The following ASCC2 variants were observed in gnomAD, a reference collection of about 807,000 sequenced individuals.
ASCC2 encodes activating signal cointegrator 1 complex subunit 2.
In ASCC2, 42 loss-of-function variants were observed where a neutral mutation model predicts 93.5. That is an observed-to-expected ratio of 0.45 (90% CI 0.35 to 0.58). ASCC2 has a LOEUF of 0.58. Ranked by LOEUF, ASCC2 falls within the 20% of genes least tolerant of loss-of-function variation. ASCC2 has a pLI of 0.00. For missense variants in ASCC2, 859 were observed against 977.6 expected (o/e 0.88, Z 1.62); for synonymous variants, 364 against 384.2 (o/e 0.95, Z 0.62).
At chr22:29,835,994 GTC>G (rs2063730170) in intron 1 of ASCC2, among the ~76,000 whole-genome samples, 1 of 152,138 alleles carries the variant, frequency 6.6e-6, no homozygotes, top group African/African-American at 2.4e-5. Context: ...AAGGCTCAGA[GTC>G]TTAAAATGTG....
At chr22:29,808,077 CACA>C (rs2059890469) in intron 9 of ASCC2, 31 bp downstream of exon 9, 14 of 1,611,662 alleles carry the variant, frequency 8.7e-6, no homozygotes, top group Non-Finnish European at 1.2e-5. Flanking sequence ...CTCTCTGTCC[CACA>C]ACAACATTCT....
chr22:29,835,404 T>TA (rs778607436), intron 1 of ASCC2, among the ~76,000 whole-genome samples: 2,423 of 141,024 alleles, frequency 0.017, 54 homozygotes, highest in African/African-American at 0.053. Flanking sequence ...TCCCAAAATT[T>TA]AAAAAAAAAA....
Position 29,799,473 on chromosome 22 carries a change from A to G in ASCC2, c.1688+1518T>C, listed in dbSNP as rs573016352. Among the ~76,000 whole-genome samples, 7 of 152,188 alleles carry G rather than the reference A, an allele frequency of 4.6e-5. No homozygotes were observed. The South Asian group carries it at 1.4e-3, about 32-fold the overall frequency. ...CAGCCAGCCAAGCTTTTAGCAGTGGACAGCCCTAGGGAGGGGTAACAGCAC... is the reference window on the plus strand; with the variant it reads ...CAGCCAGCCAAGCTTTTAGCAGTGGGCAGCCCTAGGGAGGGGTAACAGCAC... On this transcript the variant is annotated intron_variant, in intron 15 of 19. Transcript: ENST00000307790.
At chr22:29,811,274 T>C (rs1471780888) in intron 8 of ASCC2, among the ~76,000 whole-genome samples, 1 of 152,230 alleles carries the variant, frequency 6.6e-6, no homozygotes, top group East Asian at 1.9e-4. Flanking sequence ...CAGTTGCTCA[T>C]ATGTGCATAT....
intron 2 of ASCC2, among the ~76,000 whole-genome samples, chr22:29,826,699 G>A (rs2148269999): frequency 6.6e-6 from 1 of 152,092 alleles, no homozygotes; most frequent in South Asian, 2.1e-4. Context: ...CAGAGAAGGT[G>A]AGCTGCCTGG....
At chr22:29,809,419 G>C (rs985492954) in intron 8 of ASCC2, among the ~76,000 whole-genome samples, 1 of 151,856 alleles carries the variant, frequency 6.6e-6, no homozygotes, top group Admixed American at 6.6e-5. Flanking sequence ...TGACCTCCTG[G>C]GCTCAAGCGA....
In ASCC2 at chr22:29,800,848, G is replaced by A. The variant is rs555859391; in HGVS notation, c.1688+143C>T. 9.2e-4 allele frequency: 880 copies of A among 960,280 alleles called. 4 individuals are homozygous for A. The highest frequency in any genetic ancestry group is 2.2e-3 in the South Asian group (74 of 33,186). The allele number at this position is 960,280 out of a possible 1,614,324, so 59.5% of individuals were successfully genotyped here. ...AGAGAACCTGCTCCTAACCACTGGG[G>A]GTGCACAGGTCTAGGGTTGTGAAGG... is the stretch of plus-strand genomic sequence containing the variant. On this transcript the variant is annotated intron_variant, in intron 15 of 19. Transcript: ENST00000307790.
chr22:29,792,537 TGA>T lies in ASCC2; in HGVS notation c.1920-4_1920-3del, dbSNP rs779530191. 9 of 1,613,674 alleles carry T rather than the reference TGA, an allele frequency of 5.6e-6. No homozygotes were observed. The highest frequency in any genetic ancestry group is 7.6e-6 in the Non-Finnish European group (9 of 1,179,756). Reference sequence around the variant, plus strand: ...AGCACCTGAGGGATGGTGAATGGCCTGAGGGTGTGGAGAGAAATGAGATCAAA... The same window carrying T: ...AGCACCTGAGGGATGGTGAATGGCCTGGGTGTGGAGAGAAATGAGATCAAA... On this transcript the variant is annotated splice_region_variant and splice_polypyrimidine_tract_variant and intron_variant, in intron 17 of 19. Coordinates refer to ENST00000307790, the MANE Select transcript of ASCC2 (RefSeq NM_032204.5).
At chr22:29,816,885 A>T (rs2060926710) in intron 5 of ASCC2, 2 of 152,214 alleles carry the variant, frequency 1.3e-5, no homozygotes, top group African/African-American at 4.8e-5. Flanking sequence ...AATGCCCTTA[A>T]GCAGCCAGGG....
chr22:29,795,343 T>G (rs1346826787), intron 15 of ASCC2, among the ~76,000 whole-genome samples: 1 of 152,184 alleles, frequency 6.6e-6, no homozygotes, highest in Non-Finnish European at 1.5e-5. Flanking sequence ...ATTACAGGTG[T>G]GAGCTACTGT....
chr22:29,832,585 C>CA, intron 1 of ASCC2: 1 of 329,692 alleles, frequency 3.0e-6, no homozygotes, highest in Admixed American at 4.6e-5. Context: ...TATTTCCACC[C>CA]ACTTTTTTTT....
intron 1 of ASCC2, 92 bp from the exon 2 acceptor site, chr22:29,832,434 A>G: frequency 1.0e-6 from 1 of 984,894 alleles, no homozygotes; most frequent in Non-Finnish European, 1.5e-6. Flanking sequence ...TCAGAAGAGA[A>G]GCTTCAACCT....
intron 13 of ASCC2, among the ~76,000 whole-genome samples, chr22:29,802,504 A>G (rs201160575): frequency 6.7e-6 from 1 of 148,624 alleles, no homozygotes; most frequent in African/African-American, 2.5e-5. Flanking sequence ...AAAAAAAAAA[A>G]TAAAAAAAAT....
chr22:29,803,229 C>T (rs2059304226), intron 13 of ASCC2, among the ~76,000 whole-genome samples: 2 of 135,810 alleles, frequency 1.5e-5, no homozygotes, highest in South Asian at 4.7e-4. Context: ...CCAGCCTGGG[C>T]AATAAGAGTA....
intron 2 of ASCC2, among the ~76,000 whole-genome samples, chr22:29,828,708 T>G (rs1056828319): frequency 6.6e-6 from 1 of 152,058 alleles, no homozygotes; most frequent in Non-Finnish European, 1.5e-5. Context: ...TGAACAGCAT[T>G]AAAAGTGCTT....
intron 19 of ASCC2, among the ~76,000 whole-genome samples, chr22:29,790,191 A>T (rs759006268): frequency 1.9e-4 from 29 of 152,164 alleles, no homozygotes; most frequent in Non-Finnish European, 4.1e-4. Context: ...AGTAATGGTT[A>T]TGAGTGGGGA....
intron 15 of ASCC2, among the ~76,000 whole-genome samples, chr22:29,798,828 T>C (rs1027947335): frequency 1.3e-5 from 2 of 152,236 alleles, no homozygotes; most frequent in African/African-American, 4.8e-5. Context: ...GTGTCTAGCA[T>C]AGGATCTGGT....
intron 1 of ASCC2, among the ~76,000 whole-genome samples, chr22:29,832,980 T>G (rs1203758038): frequency 1.3e-5 from 2 of 152,184 alleles, no homozygotes; most frequent in Non-Finnish European, 2.9e-5. Flanking sequence ...CGGGCTGGTC[T>G]CAAACTCCTG....
chr22:29,796,912 G>T (rs1223808764), intron 15 of ASCC2, among the ~76,000 whole-genome samples: 2 of 152,126 alleles, frequency 1.3e-5, no homozygotes, highest in East Asian at 3.9e-4. Context: ...TGTGCAGTGG[G>T]GCAGTTCTTT....
Sources: gnomAD v4.1 joint callset for allele counts (sites outside exome capture counted in the v4.1 genomes callset) on GRCh38, gnomAD v4.1.1 for gene constraint, MANE v1.5 for transcripts, NCBI Gene and HGNC (gene_info 2026-07-23, HGNC 2026-07-21) for gene names.